Variants in ENKUR observed in about 807,000 individuals in gnomAD.
The protein encoded by ENKUR is enkurin, TRPC channel interacting protein.
Under a neutral mutation model 27.6 loss-of-function variants are expected in ENKUR, and 19 were observed. The ratio of observed to expected loss-of-function variants is 0.69; its 90% confidence interval spans 0.48 to 1.01. The LOEUF is 1.01. Among genes scored for constraint, ENKUR ranks in the 50% least tolerant of loss-of-function variants. The probability of loss-of-function intolerance (pLI) is 0.00; values close to 1 mark genes in which losing one functional copy is unlikely to be tolerated. For missense variants in ENKUR, 312 were observed against 310.5 expected, an observed-to-expected ratio of 1.00 and a Z score of -0.04; for synonymous variants, 117 against 96.9, an observed-to-expected ratio of 1.21 and a Z score of -1.22.
At chr10:25,017,228 A>C (rs1190987124), upstream of ENKUR, among the ~76,000 whole-genome samples, 1 of 152,166 alleles carries the variant, frequency 6.6e-6, no homozygotes, top group East Asian at 1.9e-4. Context: ...CCTTGTTGGA[A>C]AATTGTCTTC....
chr10:25,030,883 G>A (rs973221164), intron 2 of ENKUR, among the ~76,000 whole-genome samples: 2 of 152,024 alleles, frequency 1.3e-5, no homozygotes, highest in African/African-American at 4.8e-5. Flanking sequence ...TTTTTGAGGT[G>A]GAGGCAGGTG....
intron 2 of ENKUR, among the ~76,000 whole-genome samples, chr10:25,031,383 A>C (rs112584837): frequency 0.02 from 3,086 of 152,290 alleles, 85 homozygotes; most frequent in African/African-American, 0.068. Flanking sequence ...ATGAAAGGTC[A>C]TGTGGAAAGA....
intron 2 of ENKUR, among the ~76,000 whole-genome samples, chr10:25,022,415 G>A (rs1403542228): frequency 6.6e-6 from 1 of 152,162 alleles, no homozygotes; most frequent in African/African-American, 2.4e-5. Context: ...AAGGTTATAT[G>A]TAGCCTTTGA....
chr10:25,009,896 C>T (rs1223494594), intron 1 of ENKUR, among the ~76,000 whole-genome samples: 5 of 152,162 alleles, frequency 3.3e-5, no homozygotes, highest in Non-Finnish European at 7.4e-5. Flanking sequence ...TGTGGAACTG[C>T]GAGTCAAACC....
rs61462347 is a variant in ENKUR, at chr10:24,984,215, A to G, written c.*155T>C. Reference sequence around the variant, plus strand: ...ATACTGAAAATATTTCTCACTGGGAATAACTGCAAATGTCATGGGCCACAG... The same window carrying G: ...ATACTGAAAATATTTCTCACTGGGAGTAACTGCAAATGTCATGGGCCACAG... On this transcript the variant is annotated 3_prime_UTR_variant, in exon 6 of 6. Transcript: ENST00000331161. 4.4e-3 allele frequency: 3,315 copies of G among 751,852 alleles called. 93 individuals are homozygous for G. In the African/African-American group the frequency reaches 0.049, roughly 11 times the overall value. The allele number at this position is 751,852 out of a possible 1,614,324, so 46.6% of individuals were successfully genotyped here.
At chr10:25,036,285 A>G (rs1851006874) in intron 2 of ENKUR, among the ~76,000 whole-genome samples, 1 of 152,006 alleles carries the variant, frequency 6.6e-6, no homozygotes, top group Admixed American at 6.5e-5. Context: ...ATAAGGGGAA[A>G]CCCATTTTGC....
chr10:25,032,619 A>G (rs1472882203), intron 2 of ENKUR, among the ~76,000 whole-genome samples: 1 of 152,092 alleles, frequency 6.6e-6, no homozygotes, highest in Non-Finnish European at 1.5e-5. Context: ...TGTTATCTCT[A>G]ATTCTTGAAC....
chr10:24,987,411 AG>A (rs1185474725), intron 4 of ENKUR, among the ~76,000 whole-genome samples: 5 of 151,918 alleles, frequency 3.3e-5, no homozygotes, highest in African/African-American at 1.2e-4. Context: ...CTGAGGGAGG[AG>A]GATTGCTTGA....
chr10:25,045,501 T>C (rs1851112886), intron 2 of ENKUR, among the ~76,000 whole-genome samples: 1 of 152,184 alleles, frequency 6.6e-6, no homozygotes, highest in African/African-American at 2.4e-5. Context: ...CAAATATACA[T>C]GAAATATATT....
intron 1 of ENKUR, among the ~76,000 whole-genome samples, chr10:25,006,141 T>C (rs1225367561): frequency 6.6e-6 from 1 of 152,210 alleles, no homozygotes; most frequent in Non-Finnish European, 1.5e-5. Flanking sequence ...AATCTATCCT[T>C]GAATTAAACT....
chr10:25,058,125 T>A (rs140693971), intron 2 of ENKUR, among the ~76,000 whole-genome samples: 1 of 152,216 alleles, frequency 6.6e-6, no homozygotes, highest in East Asian at 1.9e-4. Context: ...GTTTCCTTCC[T>A]GGTTCAGGAA....
At chr10:24,988,067 C>A (rs918800595) in intron 4 of ENKUR, among the ~76,000 whole-genome samples, 8 of 151,156 alleles carry the variant, frequency 5.3e-5, no homozygotes, top group African/African-American at 1.9e-4. Flanking sequence ...CTAAAAAATA[C>A]AAAAAAATTA....
At chr10:25,024,529 G>C in intron 2 of ENKUR, 1 of 1,614,166 alleles carries the variant, frequency 6.2e-7, no homozygotes, top group Non-Finnish European at 8.5e-7. Context: ...TGTTGAGTCA[G>C]ATTTTGATTT....
At chr10:25,029,099 C>G (rs191662723) in intron 2 of ENKUR, among the ~76,000 whole-genome samples, 4 of 152,264 alleles carry the variant, frequency 2.6e-5, no homozygotes, top group Admixed American at 2.0e-4. Flanking sequence ...TAATTTTTAT[C>G]TCTTCTTGTA....
rs1003686270 is a variant in ENKUR at position 24,983,588 on chromosome 10, T to C, written c.*782A>G. On this transcript the variant is annotated 3_prime_UTR_variant, in exon 6 of 6. Transcript: ENST00000331161. ...TAATAAAGGAATAAAGATACTCATATGGACAAGTTTCAAGTGAATTTTCAA... is the reference window on the plus strand; with the variant it reads ...TAATAAAGGAATAAAGATACTCATACGGACAAGTTTCAAGTGAATTTTCAA... 3 of 152,252 alleles carry C rather than the reference T, an allele frequency of 2.0e-5. No homozygotes were observed. Among genetic ancestry groups the C allele is most frequent in the East Asian group, 3.8e-4 (2 of 5,208 alleles). The allele number at this position is 152,252 out of a possible 1,614,324, so 9.4% of individuals were successfully genotyped here.
At chr10:25,045,658 A>G (rs1468016814) in intron 2 of ENKUR, among the ~76,000 whole-genome samples, 3 of 152,208 alleles carry the variant, frequency 2.0e-5, no homozygotes, top group Admixed American at 6.5e-5. Flanking sequence ...ATAAGAGACA[A>G]AAGAATCCCA....
At chr10:24,991,936 C>T (rs1465251686) in intron 3 of ENKUR, among the ~76,000 whole-genome samples, 2 of 152,168 alleles carry the variant, frequency 1.3e-5, no homozygotes, top group African/African-American at 2.4e-5. Flanking sequence ...CACAACCTGC[C>T]CTTCGGCATG....
intron 1 of ENKUR, among the ~76,000 whole-genome samples, chr10:25,003,359 G>A (rs949746665): frequency 8.6e-5 from 13 of 151,920 alleles, no homozygotes; most frequent in East Asian, 1.9e-4. Flanking sequence ...GGCATGCACC[G>A]CCATGCCTGG....
chr10:25,034,145 A>G (rs1850973993), intron 2 of ENKUR, among the ~76,000 whole-genome samples: 2 of 152,160 alleles, frequency 1.3e-5, no homozygotes, highest in South Asian at 2.1e-4. Context: ...TTTACAGTAA[A>G]ACGTATTATT....
Sources: allele counts gnomAD v4.1 joint callset (sites outside exome capture counted in the v4.1 genomes callset), GRCh38; gene constraint gnomAD v4.1.1; transcripts MANE v1.5; gene names NCBI Gene and HGNC (gene_info 2026-07-23, HGNC 2026-07-21).